The following KIF13B variants were observed in gnomAD, a reference collection of about 807,000 sequenced individuals.
The protein encoded by KIF13B is kinesin-like protein KIF13B.
In KIF13B, 127 loss-of-function variants were observed where a neutral mutation model predicts 222.0. That is an observed-to-expected ratio of 0.57 (90% CI 0.50 to 0.66). The LOEUF (loss-of-function observed/expected upper bound fraction) is 0.66. Ranked by LOEUF, KIF13B falls within the 30% of genes least tolerant of loss-of-function variation. The pLI is 0.00. For missense variants in KIF13B, 2,173 were observed against 2,379.0 expected, an observed-to-expected ratio of 0.91 and a Z score of 1.80; for synonymous variants, 976 against 919.0, an observed-to-expected ratio of 1.06 and a Z score of -1.12.
intron 6 of KIF13B, among the ~76,000 whole-genome samples, chr8:29,185,485 G>A (rs1258331797): frequency 6.6e-6 from 1 of 152,202 alleles, no homozygotes; most frequent in East Asian, 1.9e-4. Context: ...AGTAAAGTTT[G>A]TACAGAAGCA....
At chr8:29,141,546 G>A (rs1334839115) in intron 19 of KIF13B, among the ~76,000 whole-genome samples, 2 of 152,116 alleles carry the variant, frequency 1.3e-5, no homozygotes, top group East Asian at 1.9e-4. Context: ...AACTCTATGC[G>A]GAAACAGGTC....
chr8:29,253,846 A>C lies in KIF13B; in HGVS notation c.56-8407T>G, dbSNP rs568633370. On this transcript the variant is annotated intron_variant, in intron 1 of 39. Transcript: ENST00000524189. ...ACTGTCTCAAAAAAAAAAAAAAAAA[A>C]AAAAAAAAACCCGCTTAAGGCAGAA... Among the ~76,000 whole-genome samples, 10 of 150,922 alleles carry C rather than the reference A, an allele frequency of 6.6e-5. No individual in the cohort carries two copies. In the East Asian group the frequency reaches 1.2e-3, roughly 18 times the overall value.
intron 12 of KIF13B, among the ~76,000 whole-genome samples, chr8:29,162,942 G>A (rs1046153223): frequency 3.3e-5 from 5 of 152,002 alleles, no homozygotes; most frequent in South Asian, 2.1e-4. Flanking sequence ...TCCTGCTGCC[G>A]AAGCCATACA....
intron 37 of KIF13B, among the ~76,000 whole-genome samples, chr8:29,076,921 G>A (rs1656117251): frequency 6.6e-6 from 1 of 152,160 alleles, no homozygotes; most frequent in Admixed American, 6.5e-5. Context: ...GCTGCAGTGA[G>A]CTATGATCAC....
At chr8:29,087,563 A>G (rs1365527872) in intron 37 of KIF13B, among the ~76,000 whole-genome samples, 3 of 152,228 alleles carry the variant, frequency 2.0e-5, no homozygotes, top group African/African-American at 7.2e-5. Flanking sequence ...AAACCTGGTG[A>G]TGTTACCTGA....
intron 24 of KIF13B, among the ~76,000 whole-genome samples, chr8:29,127,711 T>C (rs1231719154): frequency 6.6e-6 from 1 of 152,224 alleles, no homozygotes; most frequent in East Asian, 1.9e-4. Context: ...GGAATTTAAA[T>C]TGGTGCAAGT....
At position 29,130,498 on chromosome 8, in the gene KIF13B, A is replaced by G. The variant is rs57379927; in HGVS notation, c.3075+35T>C. Reference sequence around the variant, plus strand: ...AGCCAATATTAAGCTTTCTGGCACCAAAGAATCTAATGTAAACATTCACAA... The same window carrying G: ...AGCCAATATTAAGCTTTCTGGCACCGAAGAATCTAATGTAAACATTCACAA... On this transcript the variant is annotated intron_variant, in intron 24 of 39. Coordinates refer to ENST00000524189, the MANE Select transcript of KIF13B (RefSeq NM_015254.4). 4.9e-4 allele frequency: 784 copies of G among 1,610,464 alleles called. No individual in the cohort carries two copies. In the African/African-American group the frequency reaches 9.7e-3, roughly 20 times the overall value.
At chr8:29,219,589 T>C (rs1041397293) in intron 2 of KIF13B, 6 of 151,846 alleles carry the variant, frequency 4.0e-5, no homozygotes, top group African/African-American at 1.2e-4. Flanking sequence ...AAACCCCATC[T>C]CTACAAAAAA....
chr8:29,157,830 C>CAAAAAAA (rs901426407), intron 13 of KIF13B, among the ~76,000 whole-genome samples: 2 of 94,060 alleles, frequency 2.1e-5, no homozygotes, highest in Non-Finnish European at 4.4e-5. Context: ...GACCCTGCCT[C>CAAAAAAA]AAAAAAAAAA....
intron 1 of KIF13B, among the ~76,000 whole-genome samples, chr8:29,262,772 G>A (rs1454296753): frequency 6.6e-6 from 1 of 151,140 alleles, no homozygotes; most frequent in Admixed American, 6.6e-5. Context: ...CGGCGCCAGG[G>A]ACGGGGCTGG....
At chr8:29,097,369 AAC>A (rs2133565639) in intron 36 of KIF13B, among the ~76,000 whole-genome samples, 1 of 152,326 alleles carries the variant, frequency 6.6e-6, no homozygotes, top group South Asian at 2.1e-4. Flanking sequence ...TATAAAGGGA[AAC>A]ACATATAATT....
chr8:29,223,164 C>CAAAAAAAAAAAA (rs375009923), intron 2 of KIF13B, among the ~76,000 whole-genome samples: 50 of 113,006 alleles, frequency 4.4e-4, no homozygotes, highest in Non-Finnish European at 5.6e-4. Flanking sequence ...CAAAAAAATA[C>CAAAAAAAAAAAA]AAAAAAAAAA....
chr8:29,251,939 G>A, intron 1 of KIF13B, among the ~76,000 whole-genome samples: 1 of 151,482 alleles, frequency 6.6e-6, no homozygotes, highest in South Asian at 2.1e-4. Flanking sequence ...TTTATTTCAT[G>A]AGTAATCAAG....
chr8:29,160,560 TCAG>T lies in KIF13B; in HGVS notation c.1404+170_1404+172del, dbSNP rs1184077285. ...ATCAGAGTATCATTTTTTTATATTG[TCAG>T]GTTGAATGGCATCAAAGACTAAAAA... On this transcript the variant is annotated intron_variant, in intron 13 of 39. Coordinates refer to ENST00000524189, the MANE Select transcript of KIF13B (RefSeq NM_015254.4). Among the ~76,000 whole-genome samples the T allele has an allele frequency of 2.5e-3, 381 of 152,326 alleles. 5 individuals carry two copies. The highest frequency in any genetic ancestry group is 8.7e-3 in the African/African-American group (362 of 41,570).
At chr8:29,159,745 A>T (rs557691965) in intron 13 of KIF13B, among the ~76,000 whole-genome samples, 61 of 152,318 alleles carry the variant, frequency 4.0e-4, no homozygotes, top group African/African-American at 1.3e-3. Context: ...AGACATGCAC[A>T]TATGAAGGTA....
chr8:29,094,967 G>C (rs115660499), intron 36 of KIF13B, among the ~76,000 whole-genome samples: 1 of 107,216 alleles, frequency 9.3e-6, no homozygotes, highest in Non-Finnish European at 2.2e-5. Context: ...AAAATAAAAA[G>C]ATTAAAAAAA....
intron 3 of KIF13B, among the ~76,000 whole-genome samples, chr8:29,195,886 T>C (rs1813396678): frequency 6.6e-6 from 1 of 152,146 alleles, no homozygotes; most frequent in Non-Finnish European, 1.5e-5. Context: ...AGAGGATGAG[T>C]CGGCTTTGAC....
At chr8:29,228,804 T>C (rs1231143971) in intron 2 of KIF13B, among the ~76,000 whole-genome samples, 1 of 150,656 alleles carries the variant, frequency 6.6e-6, no homozygotes, top group Non-Finnish European at 1.5e-5. Flanking sequence ...GGTGGTGTGA[T>C]TGGGCAGGAG....
chr8:29,098,616 A>G (rs547562273), intron 36 of KIF13B, among the ~76,000 whole-genome samples: 11 of 151,964 alleles, frequency 7.2e-5, no homozygotes, highest in Admixed American at 1.3e-4. Context: ...AAAAAAAAAA[A>G]AAAGAAACTC....
Sources: allele counts gnomAD v4.1 joint callset (sites outside exome capture counted in the v4.1 genomes callset), GRCh38; gene constraint gnomAD v4.1.1; transcripts MANE v1.5; gene names NCBI Gene and HGNC (gene_info 2026-07-23, HGNC 2026-07-21).